Variants in KCNMB2 observed in about 807,000 individuals in gnomAD.
KCNMB2 encodes the protein calcium-activated potassium channel subunit beta-2.
KCNMB2 carries 9 observed loss-of-function variants against 24.5 expected under a neutral mutation model. That is an observed-to-expected ratio of 0.37 (90% CI 0.22 to 0.64). The LOEUF (loss-of-function observed/expected upper bound fraction) is 0.64, where lower values mean the gene tolerates loss of function less well. Ranked by LOEUF, KCNMB2 falls within the 30% of genes least tolerant of loss-of-function variation. The pLI is 0.63. For missense variants in KCNMB2, 226 were observed against 284.3 expected (o/e 0.79, Z 1.47); for synonymous variants, 109 against 104.4 (o/e 1.04, Z -0.27).
chr3:178,655,008 T>C (rs1720269925), intron 1 of KCNMB2, among the ~76,000 whole-genome samples: 1 of 151,806 alleles, frequency 6.6e-6, no homozygotes, highest in Non-Finnish European at 1.5e-5. Flanking sequence ...TAGTGGTTTC[T>C]ACCTCAGAGA....
At chr3:178,754,163 T>TATATAG (rs753350530) in intron 1 of KCNMB2, among the ~76,000 whole-genome samples, 18,542 of 102,248 alleles carry the variant, frequency 0.18, 1,534 homozygotes, top group Non-Finnish European at 0.21. Flanking sequence ...TATATATATA[T>TATATAG]ATATATATAT....
At chr3:178,539,200 A>C (rs965620431) in intron 1 of KCNMB2, among the ~76,000 whole-genome samples, 1 of 152,166 alleles carries the variant, frequency 6.6e-6, no homozygotes, top group Non-Finnish European at 1.5e-5. Context: ...CCCTTTGATC[A>C]TCTCTCCCTC....
intron 1 of KCNMB2, among the ~76,000 whole-genome samples, chr3:178,758,658 A>C (rs867016239): frequency 1.7e-5 from 1 of 58,714 alleles, no homozygotes; most frequent in Non-Finnish European, 3.6e-5. Flanking sequence ...ATATATATAT[A>C]TCTCTCTCCA....
intron 1 of KCNMB2, among the ~76,000 whole-genome samples, chr3:178,756,791 G>A (rs188037635): frequency 1.3e-4 from 20 of 152,064 alleles, no homozygotes; most frequent in Admixed American, 1.1e-3. Context: ...CCCTATTGTG[G>A]ATTGCTTAGC....
At chr3:178,761,983 A>G (rs1711909223) in intron 1 of KCNMB2, among the ~76,000 whole-genome samples, 1 of 152,172 alleles carries the variant, frequency 6.6e-6, no homozygotes, top group South Asian at 2.1e-4. Context: ...CATCCTGGCT[A>G]ACACTGTGAA....
At chr3:178,733,808 T>C (rs1039824089) in intron 1 of KCNMB2, among the ~76,000 whole-genome samples, 5 of 152,188 alleles carry the variant, frequency 3.3e-5, no homozygotes, top group African/African-American at 9.7e-5. Context: ...ATCTGGTTTC[T>C]GTATTGAATC....
chr3:178,780,561 C>T (rs1712788142), intron 1 of KCNMB2, among the ~76,000 whole-genome samples: 1 of 152,154 alleles, frequency 6.6e-6, no homozygotes, highest in African/African-American at 2.4e-5. Flanking sequence ...TTTCAAGTGG[C>T]TACTATGACA....
chr3:178,742,698 A>G (rs1577141968), intron 1 of KCNMB2, among the ~76,000 whole-genome samples: 1 of 152,126 alleles, frequency 6.6e-6, no homozygotes, highest in Non-Finnish European at 1.5e-5. Context: ...AAAATTCCCA[A>G]AGTGGTAAAG....
chr3:178,676,079 C>T (rs570340918), intron 1 of KCNMB2, among the ~76,000 whole-genome samples: 1 of 152,232 alleles, frequency 6.6e-6, no homozygotes, highest in African/African-American at 2.4e-5. Flanking sequence ...GTATCTATGA[C>T]CCCAAGCCCA....
intron 1 of KCNMB2, among the ~76,000 whole-genome samples, chr3:178,702,411 C>T (rs1051765917): frequency 6.6e-6 from 1 of 150,598 alleles, no homozygotes; most frequent in African/African-American, 2.4e-5. Flanking sequence ...TGCACATGTA[C>T]CCTAGAACTT....
At chr3:178,537,028 C>CTACTG (rs1442917794) in intron 1 of KCNMB2, among the ~76,000 whole-genome samples, 1 of 152,138 alleles carries the variant, frequency 6.6e-6, no homozygotes, top group African/African-American at 2.4e-5. Context: ...GCCGGCTGGG[C>CTACTG]TACTGTACTG....
At chr3:178,576,115 G>A (rs945945826) in intron 1 of KCNMB2, among the ~76,000 whole-genome samples, 12 of 152,052 alleles carry the variant, frequency 7.9e-5, no homozygotes, top group East Asian at 3.9e-4. Flanking sequence ...TGCAGAAGGC[G>A]GGTGATTTCT....
intron 1 of KCNMB2, among the ~76,000 whole-genome samples, chr3:178,676,388 A>C (rs1441699167): frequency 2.0e-5 from 3 of 152,172 alleles, no homozygotes; most frequent in East Asian, 3.9e-4. Context: ...ACACAGATGG[A>C]GAGGGACAGT....
chr3:178,645,135 C>G (rs1237292707), intron 1 of KCNMB2, among the ~76,000 whole-genome samples: 1 of 146,826 alleles, frequency 6.8e-6, no homozygotes, highest in East Asian at 2.0e-4. Context: ...ACAACAACCT[C>G]TGCCACCCGG....
chr3:178,817,823 C>A (rs1284000299), intron 2 of KCNMB2, among the ~76,000 whole-genome samples: 1 of 152,166 alleles, frequency 6.6e-6, no homozygotes, highest in East Asian at 1.9e-4. Context: ...AACTGGCTAT[C>A]TCACAACCTA....
At chr3:178,707,837 C>G (rs1722329367) in intron 1 of KCNMB2, among the ~76,000 whole-genome samples, 1 of 152,172 alleles carries the variant, frequency 6.6e-6, no homozygotes, top group African/African-American at 2.4e-5. Context: ...AACTTCAGCT[C>G]AGCCAATCAC....
chr3:178,714,174 C>T (rs779819570), intron 1 of KCNMB2, among the ~76,000 whole-genome samples: 7 of 152,152 alleles, frequency 4.6e-5, no homozygotes, highest in Non-Finnish European at 8.8e-5. Flanking sequence ...ACCAGACACA[C>T]TCTTTCTTCT....
At chr3:178,582,600 T>C (rs975578508) in intron 1 of KCNMB2, among the ~76,000 whole-genome samples, 2 of 152,220 alleles carry the variant, frequency 1.3e-5, no homozygotes, top group African/African-American at 4.8e-5. Flanking sequence ...ATGGGTTGTC[T>C]AGTTTTACAA....
At chr3:178,689,649 G>T (rs576883199) in intron 1 of KCNMB2, among the ~76,000 whole-genome samples, 4 of 152,156 alleles carry the variant, frequency 2.6e-5, no homozygotes, top group African/African-American at 9.6e-5. Flanking sequence ...ATAAAGAGAA[G>T]TTATGGAAGA....
Sources: gnomAD v4.1 joint callset for allele counts (sites outside exome capture counted in the v4.1 genomes callset) on GRCh38, gnomAD v4.1.1 for gene constraint, MANE v1.5 for transcripts, NCBI Gene and HGNC (gene_info 2026-07-23, HGNC 2026-07-21) for gene names.